SNTG1: variants seen among roughly 807,000 people sequenced by gnomAD.
SNTG1 encodes syntrophin gamma 1, also known as gamma-1-syntrophin.
In SNTG1, 39 loss-of-function variants were observed where a neutral mutation model predicts 74.7. The observed-to-expected ratio is 0.52, with a 90% CI of 0.40 to 0.68. The LOEUF is 0.68. SNTG1 is among the 30% of genes least tolerant of loss of function. SNTG1 has a pLI of 0.00. For synonymous variants in SNTG1, 254 were observed against 217.1 expected, an observed-to-expected ratio of 1.17 and a Z score of -1.49; for missense variants, 685 against 609.5, an observed-to-expected ratio of 1.12 and a Z score of -1.30.
chr8:50,636,537 G>A (rs1241849408), intron 13 of SNTG1, among the ~76,000 whole-genome samples: 1 of 152,096 alleles, frequency 6.6e-6, no homozygotes, highest in Non-Finnish European at 1.5e-5. Flanking sequence ...TTCTACTAAT[G>A]TTGGCAGGAC....
At chr8:50,174,083 C>T (rs1007824185) in intron 2 of SNTG1, among the ~76,000 whole-genome samples, 4 of 152,160 alleles carry the variant, frequency 2.6e-5, no homozygotes, top group East Asian at 3.9e-4. Context: ...TGAGAACATG[C>T]GGTGTTTGGT....
At chr8:50,119,234 T>C (rs2080921128) in intron 1 of SNTG1, among the ~76,000 whole-genome samples, 1 of 141,788 alleles carries the variant, frequency 7.1e-6, no homozygotes, top group South Asian at 2.7e-4. Context: ...TTTTATATTT[T>C]ATCACTGATC....
chr8:50,157,795 C>T (rs2082298288), intron 1 of SNTG1, among the ~76,000 whole-genome samples: 1 of 152,090 alleles, frequency 6.6e-6, no homozygotes, highest in Admixed American at 6.5e-5. Context: ...GAGACCTTTC[C>T]TGTCTTGCAC....
At chr8:50,354,993 C>T (rs925086276) in intron 2 of SNTG1, among the ~76,000 whole-genome samples, 2 of 152,108 alleles carry the variant, frequency 1.3e-5, no homozygotes, top group South Asian at 2.1e-4. Flanking sequence ...ATTTGAGATG[C>T]ACGTGTCTTT....
intron 5 of SNTG1, among the ~76,000 whole-genome samples, chr8:50,449,418 A>T (rs1399804607): frequency 6.6e-6 from 1 of 152,236 alleles, no homozygotes; most frequent in Non-Finnish European, 1.5e-5. Context: ...CTATCTAAAT[A>T]CATAATCAAT....
intron 13 of SNTG1, among the ~76,000 whole-genome samples, chr8:50,609,413 C>T (rs1039527324): frequency 6.6e-6 from 1 of 152,120 alleles, no homozygotes; most frequent in Non-Finnish European, 1.5e-5. Flanking sequence ...AGCTGTTACA[C>T]ATATTGATAC....
intron 1 of SNTG1, among the ~76,000 whole-genome samples, chr8:50,154,753 A>G (rs147031711): frequency 1.2e-4 from 19 of 152,362 alleles, no homozygotes; most frequent in African/African-American, 4.1e-4. Context: ...AAGGTCATAG[A>G]AAACAAAACA....
At chr8:50,214,400 A>T (rs2084675548) in intron 2 of SNTG1, among the ~76,000 whole-genome samples, 1 of 151,964 alleles carries the variant, frequency 6.6e-6, no homozygotes, top group Non-Finnish European at 1.5e-5. Context: ...CTAAAACCTA[A>T]AGTATAATAA....
chr8:50,227,773 C>A (rs1301765726), intron 2 of SNTG1, among the ~76,000 whole-genome samples: 1 of 151,706 alleles, frequency 6.6e-6, no homozygotes, highest in Non-Finnish European at 1.5e-5. Context: ...ACTATGAGAG[C>A]CTTTGACAAC....
At chr8:50,458,776 A>ACTT (rs3057335) in intron 8 of SNTG1, among the ~76,000 whole-genome samples, 130,628 of 151,884 alleles carry the variant, frequency 0.86, 56,290 homozygotes, top group Non-Finnish European at 0.89. Flanking sequence ...AATTGGGTTC[A>ACTT]CTTCTTACTG....
At chr8:50,038,967 G>A (rs971896502) in intron 1 of SNTG1, among the ~76,000 whole-genome samples, 1 of 152,170 alleles carries the variant, frequency 6.6e-6, no homozygotes, top group African/African-American at 2.4e-5. Context: ...CCGTGGTGGT[G>A]TACCCTGCAG....
chr8:50,122,634 C>T (rs1182475167), intron 1 of SNTG1, among the ~76,000 whole-genome samples: 1 of 141,554 alleles, frequency 7.1e-6, no homozygotes, highest in Non-Finnish European at 1.6e-5. Context: ...AGCTCAGGAG[C>T]AGTGGGAAGA....
At chr8:50,189,267 A>G (rs972682910) in intron 2 of SNTG1, among the ~76,000 whole-genome samples, 2 of 152,132 alleles carry the variant, frequency 1.3e-5, no homozygotes, top group African/African-American at 4.8e-5. Context: ...TTGTTATCCT[A>G]TGTCATTGTT....
chr8:50,782,261 G>A (rs993769715), intron 18 of SNTG1, among the ~76,000 whole-genome samples: 1 of 152,168 alleles, frequency 6.6e-6, no homozygotes, highest in Non-Finnish European at 1.5e-5. Context: ...TGCCTTGCTA[G>A]ATTGGGGAAG....
At position 50,550,416 on chromosome 8, in the gene SNTG1, T is replaced by C. The variant is rs375106608; in HGVS notation, c.681-2634T>C. ...AACAGGAATCACTAACTATATTAAT[T>C]AGAAATGATATATATTTATTTGATT... On this transcript the variant is annotated intron_variant, in intron 11 of 18. Transcript: ENST00000642720. Among the ~76,000 whole-genome samples, 20 of 152,296 alleles carry C rather than the reference T, an allele frequency of 1.3e-4. No homozygotes were observed. The South Asian group carries it at 2.9e-3, about 22-fold the overall frequency.
chr8:50,084,032 A>G (rs561853247), intron 1 of SNTG1, among the ~76,000 whole-genome samples: 1 of 152,186 alleles, frequency 6.6e-6, no homozygotes, highest in Non-Finnish European at 1.5e-5. Context: ...AAACACACAA[A>G]TTATTTTATT....
intron 1 of SNTG1, among the ~76,000 whole-genome samples, chr8:49,964,309 G>A (rs529521165): frequency 1.3e-5 from 2 of 152,320 alleles, no homozygotes; most frequent in South Asian, 2.1e-4. Context: ...GGCTTGAGCT[G>A]CAGTGTCATC....
At chr8:50,752,198 A>G (rs2095569284) in intron 18 of SNTG1, 87 bp downstream of exon 18, 1 of 629,042 alleles carries the variant, frequency 1.6e-6, no homozygotes, top group East Asian at 3.1e-5. Flanking sequence ...GGGAATCACA[A>G]GACCAAAAAC....
intron 2 of SNTG1, among the ~76,000 whole-genome samples, chr8:50,314,264 A>G (rs1217649265): frequency 6.7e-6 from 1 of 148,760 alleles, no homozygotes; most frequent in Non-Finnish European, 1.5e-5. Flanking sequence ...TTTTTTTTTA[A>G]TTCCCTGGCT....
Sources: allele counts gnomAD v4.1 joint callset (sites outside exome capture counted in the v4.1 genomes callset), GRCh38; gene constraint gnomAD v4.1.1; transcripts MANE v1.5; gene names NCBI Gene and HGNC (gene_info 2026-07-23, HGNC 2026-07-21).